The following MYH9 variants were observed in gnomAD, a reference collection of about 807,000 sequenced individuals.
MYH9 encodes myosin heavy chain 9.
In MYH9, 29 loss-of-function variants were observed where a neutral mutation model predicts 241.9. That is an observed-to-expected ratio of 0.12 (90% CI 0.09 to 0.16). The LOEUF (loss-of-function observed/expected upper bound fraction) is 0.16, where lower values mean the gene tolerates loss of function less well. Ranked by LOEUF, MYH9 falls within the 10% of genes least tolerant of loss-of-function variation. The pLI is 1.00. For synonymous variants in MYH9, 1,047 were observed against 1,062.6 expected (o/e 0.99, Z 0.29); for missense variants, 1,803 against 2,595.5 (o/e 0.69, Z 6.63).
At chr22:36,358,960 T>A (rs1346499295) in intron 1 of MYH9, among the ~76,000 whole-genome samples, 1 of 152,176 alleles carries the variant, frequency 6.6e-6, no homozygotes, top group Non-Finnish European at 1.5e-5. Flanking sequence ...TTTGCCACAG[T>A]CATTCCCAGC....
In MYH9 at chr22:36,320,974, A is replaced by G; in HGVS notation, c.770-78T>C. The G allele has an allele frequency of 8.3e-7, 1 of 1,203,434 alleles. No individual in the cohort carries two copies. The highest frequency in any genetic ancestry group is 1.2e-6 in the Non-Finnish European group (1 of 835,970). 74.5% of individuals were successfully genotyped at this position (1,203,434 alleles called of 1,614,324 possible). On this transcript the variant is annotated intron_variant, in intron 7 of 40. Transcript: ENST00000216181. This position sits in a 1 kb window ranked among gnomAD's most constrained non-coding sequence, Gnocchi z 4.8. ...TTTCCTCATTTTTTTTTTTTTGGAG[A>G]CAGAGTCTCGCTCTGTCACCCAGGT...
At chr22:36,348,853 CA>C (rs374489539) in intron 2 of MYH9, 50 bp downstream of exon 2, 179 of 1,090,350 alleles carry the variant, frequency 1.6e-4, no homozygotes, top group South Asian at 9.2e-4. Context: ...CCCCCCCCCC[CA>C]CCTCGGAGCC....
intron 40 of MYH9, 39 bp from the exon 41 acceptor site, chr22:36,282,824 G>C: frequency 6.4e-7 from 1 of 1,562,850 alleles, no homozygotes; most frequent in Non-Finnish European, 8.7e-7. Context: ...AGCGGGCCCG[G>C]CCAGGCCAGG....
chr22:36,303,139 G>A (rs541315391), intron 19 of MYH9, among the ~76,000 whole-genome samples: 16 of 152,166 alleles, frequency 1.1e-4, no homozygotes, highest in Non-Finnish European at 2.1e-4. Flanking sequence ...TCAGCTGGAG[G>A]GCTTTTGGAT....
rs1474458714 is a variant in MYH9 at position 36,297,010 on chromosome 22, G to C, written c.3105C>G (p.Arg1035=). 6.2e-7 allele frequency: 1 copy of C among 1,613,892 alleles called. No individual in the cohort carries two copies. The highest frequency in any genetic ancestry group is 8.5e-7 in the Non-Finnish European group (1 of 1,180,032). Residue 1035 remains arginine (R), a synonymous_variant, in exon 25 of 41, where the codon CGC becomes CGG. Transcript: ENST00000216181. The stretch of plus-strand genomic sequence containing the variant: ...GTCGCTGCTTCTCCTCCCTGCGGAG[G>C]CGCTCTGCAATGCAGGGGGAGCCCA... ...HEAMITDLEE[R]LRREEKQRQE...
intron 1 of MYH9, among the ~76,000 whole-genome samples, chr22:36,366,918 G>A (rs1395285128): frequency 6.6e-6 from 1 of 151,052 alleles, no homozygotes; most frequent in Non-Finnish European, 1.5e-5. Flanking sequence ...GGCTGCATCC[G>A]TTATGCGACA....
chr22:36,375,495 G>T (rs2146420959), intron 1 of MYH9, among the ~76,000 whole-genome samples: 1 of 152,334 alleles, frequency 6.6e-6, no homozygotes, highest in Non-Finnish European at 1.5e-5. Flanking sequence ...CCCATTGAAT[G>T]AATGCTCAGC....
In MYH9 at chr22:36,287,647, CAGG is replaced by C. The variant is rs1180591950; in HGVS notation, c.4932+602_4932+604del. Among the ~76,000 whole-genome samples, 5 of 152,184 alleles carry C rather than the reference CAGG, an allele frequency of 3.3e-5. No homozygotes were observed. The East Asian group carries it at 7.7e-4, about 23-fold the overall frequency. On this transcript the variant is annotated intron_variant, in intron 34 of 40. Transcript: ENST00000216181. ...GTCCCAGCTGCTGGGGAGGCTGAGGCAGGAGAATGGCGTGAACCCGGGAGGCGG... is the reference window on the plus strand; with the variant it reads ...GTCCCAGCTGCTGGGGAGGCTGAGGCAGAATGGCGTGAACCCGGGAGGCGG...
chr22:36,333,178 G>A (rs1288425068), intron 3 of MYH9, among the ~76,000 whole-genome samples: 1 of 152,234 alleles, frequency 6.6e-6, no homozygotes, highest in African/African-American at 2.4e-5. Flanking sequence ...AAACAGGCCT[G>A]CAAAGACAGC....
chr22:36,348,849 C>T lies in MYH9; in HGVS notation c.333+55G>A, dbSNP rs546429435. The T allele has an allele frequency of 1.8e-4, 189 of 1,029,594 alleles. 7 individuals are homozygous for T. The South Asian group carries it at 2.4e-3, about 13-fold the overall frequency. The allele number at this position is 1,029,594 out of a possible 1,614,324, so 63.8% of individuals were successfully genotyped here. On this transcript the variant is annotated intron_variant, in intron 2 of 40. Transcript: ENST00000216181. Reference sequence around the variant, plus strand: ...GGGTGATGGGAAGACCCGCCCCCCCCCCCCACCTCGGAGCCCTCAGACCCA... The same window carrying T: ...GGGTGATGGGAAGACCCGCCCCCCCTCCCCACCTCGGAGCCCTCAGACCCA...
At position 36,293,608 on chromosome 22, in the gene MYH9, G is replaced by C; in HGVS notation, c.3943-127C>G. 7.0e-7 allele frequency: 1 copy of C among 1,436,308 alleles called. No individual in the cohort carries two copies. Among genetic ancestry groups the C allele is most frequent in the Non-Finnish European group, 9.7e-7 (1 of 1,033,082 alleles). 89.0% of individuals were successfully genotyped at this position (1,436,308 alleles called of 1,614,324 possible). On this transcript the variant is annotated intron_variant, in intron 29 of 40. Transcript: ENST00000216181. The surrounding 1 kb of genome is among the most constrained non-coding windows in gnomAD (Gnocchi z 5.1). ...TAGGGGATGGCCACGTAAAGACCTG[G>C]AGGGAGCTGGGAGGACGCAGAGACC...
chr22:36,284,883 C>A (rs1222540219), intron 38 of MYH9, among the ~76,000 whole-genome samples: 2 of 152,186 alleles, frequency 1.3e-5, no homozygotes, highest in Admixed American at 6.5e-5. Flanking sequence ...GATTCACTCT[C>A]AGACACAGCC....
In MYH9 at chr22:36,288,880, C is replaced by T. The variant is rs369996404; in HGVS notation, c.4617G>A (p.Thr1539=). The T allele has an allele frequency of 1.1e-5, 18 of 1,613,984 alleles. No individual in the cohort carries two copies. The highest frequency in any genetic ancestry group is 2.2e-5 in the East Asian group (1 of 44,898). The change falls in exon 33 of 41, where the codon ACG becomes ACA. Residue 1539 remains threonine (T), a synonymous_variant. Coordinates refer to ENST00000216181, the MANE Select transcript of MYH9 (RefSeq NM_002473.6). The surrounding 1 kb of genome is among the most constrained non-coding windows in gnomAD (Gnocchi z 4.8). Reference sequence around the variant, plus strand: ...GCTCGTCCTCCAGCTCTTCCAGCTGCGTCTTCATCTCCTCCACCTGCTGCT... The same window carrying T: ...GCTCGTCCTCCAGCTCTTCCAGCTGTGTCTTCATCTCCTCCACCTGCTGCT... ...ALEQQVEEMK[T]QLEELEDELQ... is the part of the protein sequence containing the mutation.
intron 3 of MYH9, among the ~76,000 whole-genome samples, chr22:36,332,661 TAAAA>T (rs67602880): frequency 3.1e-4 from 14 of 44,476 alleles, no homozygotes; most frequent in Non-Finnish European, 4.4e-4. Context: ...TCTGGATAAT[TAAAA>T]AAAAAAAAAA....
In MYH9 at chr22:36,295,670, C is replaced by T. The variant is rs137924205; in HGVS notation, c.3320G>A (p.Arg1107Gln). 7.6e-5 allele frequency: 123 copies of T among 1,613,688 alleles called. No homozygotes were observed. The Admixed American group carries it at 1.4e-3, about 18-fold the overall frequency. ...TTCAGAGATCTGAGATTCCAGCTCC[C>T]GGATCTTCTTGAGGGCCATGTTCTT... The part of the protein sequence containing the change: ...AQKNMALKKI[R>Q]ELESQISELQ... The change falls in exon 26 of 41, where the codon CGG becomes CAG. Residue 1107 changes from arginine (R) to glutamine (Q), a missense_variant. Transcript: ENST00000216181. This position sits in a 1 kb window ranked among gnomAD's most constrained non-coding sequence, Gnocchi z 4.1.
rs2017390133 is a variant in MYH9 at position 36,329,571 on chromosome 22, G to A, written c.491-2083C>T. On this transcript the variant is annotated intron_variant, in intron 3 of 40. Coordinates refer to ENST00000216181, the MANE Select transcript of MYH9 (RefSeq NM_002473.6). The surrounding 1 kb of genome is among the most constrained non-coding windows in gnomAD (Gnocchi z 4.1). The stretch of plus-strand genomic sequence containing the variant: ...AGCAGGCAAGAATGTACCTGCGAGT[G>A]CTGGCAAGTCGTGAGCAGCCAACGG... 6.6e-6 allele frequency among the ~76,000 whole-genome samples: 1 copy of A among 152,352 alleles called. No individual in the cohort carries two copies. Among genetic ancestry groups the A allele is most frequent in the South Asian group, 2.1e-4 (1 of 4,834 alleles).
intron 1 of MYH9, among the ~76,000 whole-genome samples, chr22:36,367,687 C>G (rs904820383): frequency 6.6e-6 from 1 of 152,228 alleles, no homozygotes; most frequent in African/African-American, 2.4e-5. Context: ...GTGACTACCG[C>G]TTACTTTACC....
chr22:36,359,685 C>T (rs1287002727), intron 1 of MYH9, among the ~76,000 whole-genome samples: 2 of 152,134 alleles, frequency 1.3e-5, no homozygotes, highest in African/African-American at 4.8e-5. Flanking sequence ...ACTACCAGTC[C>T]GACATACCAG....
chr22:36,302,413 T>G, intron 20 of MYH9, 155 bp downstream of exon 20: 1 of 646,018 alleles, frequency 1.5e-6, no homozygotes. Flanking sequence ...TTTGGGAGGC[T>G]GAGGTAGGAG....
Sources: gnomAD v4.1 joint callset for allele counts (sites outside exome capture counted in the v4.1 genomes callset) on GRCh38, gnomAD v4.1.1 for gene constraint, Gnocchi (gnomAD v3.1) non-coding constraint, MANE v1.5 for transcripts, NCBI Gene and HGNC (gene_info 2026-07-23, HGNC 2026-07-21) for gene names.